PLCH1: variants seen among roughly 807,000 people sequenced by gnomAD.
PLCH1 encodes phospholipase C eta 1.
Under a neutral mutation model 126.7 loss-of-function variants are expected in PLCH1, and 60 were observed. The observed-to-expected ratio is 0.47, with a 90% CI of 0.38 to 0.59. PLCH1 has a LOEUF of 0.59. Among genes scored for constraint, PLCH1 ranks in the 20% least tolerant of loss-of-function variants. PLCH1 has a pLI of 0.00. For synonymous variants in PLCH1, 719 were observed against 734.9 expected (o/e 0.98, Z 0.35); for missense variants, 1,723 against 2,040.0 (o/e 0.84, Z 2.99).
intron 2 of PLCH1, among the ~76,000 whole-genome samples, chr3:155,632,168 T>C (rs373947060): frequency 6.6e-6 from 1 of 152,188 alleles, no homozygotes; most frequent in Admixed American, 6.5e-5. Context: ...ATCATTATTG[T>C]GTCTGAAAAG....
intron 20 of PLCH1, 63 bp downstream of exon 20, chr3:155,488,597 T>C: frequency 1.5e-6 from 2 of 1,316,730 alleles, no homozygotes; most frequent in South Asian, 1.4e-5. Context: ...ACATATCATA[T>C]ATTACGTCTT....
intron 9 of PLCH1, among the ~76,000 whole-genome samples, chr3:155,552,533 G>A (rs1302483659): frequency 6.6e-6 from 1 of 152,174 alleles, no homozygotes; most frequent in Non-Finnish European, 1.5e-5. Flanking sequence ...AGACTAACGG[G>A]GAAGGTTGTT....
intron 1 of PLCH1, among the ~76,000 whole-genome samples, chr3:155,740,081 G>A (rs1478714380): frequency 6.6e-6 from 1 of 152,144 alleles, no homozygotes; most frequent in African/African-American, 2.4e-5. Flanking sequence ...GTGTTCTCAT[G>A]ATACACACAT....
At chr3:155,741,986 T>A (rs1749679006) in intron 1 of PLCH1, among the ~76,000 whole-genome samples, 1 of 152,202 alleles carries the variant, frequency 6.6e-6, no homozygotes, top group Admixed American at 6.5e-5. Flanking sequence ...TGTACAGCCT[T>A]ATCTAAATTA....
chr3:155,716,889 C>T (rs1747559362), intron 1 of PLCH1, among the ~76,000 whole-genome samples: 1 of 152,326 alleles, frequency 6.6e-6, no homozygotes, highest in South Asian at 2.1e-4. Flanking sequence ...TGAACCTAGT[C>T]AAAAGTCCGA....
intron 10 of PLCH1, among the ~76,000 whole-genome samples, chr3:155,546,688 G>A (rs1310693456): frequency 6.6e-6 from 1 of 151,074 alleles, no homozygotes; most frequent in South Asian, 2.1e-4. Flanking sequence ...TACCAAAACA[G>A]AGATATAGAT....
intron 9 of PLCH1, among the ~76,000 whole-genome samples, chr3:155,552,016 AC>A (rs1342896876): frequency 7.9e-5 from 12 of 152,156 alleles, no homozygotes; most frequent in African/African-American, 2.4e-4. Flanking sequence ...GGTTGTAAAG[AC>A]CCATTAGAAT....
intron 2 of PLCH1, among the ~76,000 whole-genome samples, chr3:155,618,479 C>T (rs2054802631): frequency 6.6e-6 from 1 of 152,154 alleles, no homozygotes; most frequent in African/African-American, 2.4e-5. Context: ...TCTGGATAGA[C>T]TGTTAAAGAA....
intron 1 of PLCH1, among the ~76,000 whole-genome samples, chr3:155,722,114 T>G (rs1320705115): frequency 1.7e-4 from 26 of 152,082 alleles, no homozygotes; most frequent in Non-Finnish European, 2.1e-4. Flanking sequence ...GGAAGGCTTT[T>G]GATTTTTCTC....
intron 10 of PLCH1, among the ~76,000 whole-genome samples, chr3:155,535,702 G>T (rs980758255): frequency 1.3e-5 from 2 of 152,172 alleles, no homozygotes; most frequent in Non-Finnish European, 2.9e-5. Context: ...ACCCACCGTG[G>T]TAGCTGAAGA....
rs547672606 is a variant in PLCH1, at chr3:155,598,097, T to C, written c.80-1719A>G. On this transcript the variant is annotated intron_variant, in intron 2 of 22. Coordinates refer to ENST00000460012, the MANE Select transcript of PLCH1 (RefSeq NM_014996.4). ...TATTTGGGAGGTTAAGGCAGGAGAA[T>C]TGCTTGAACCCGGGAGAAGGAGGTT... Among the ~76,000 whole-genome samples the C allele has an allele frequency of 1.8e-4, 27 of 152,080 alleles. No individual in the cohort carries two copies. In the East Asian group the frequency reaches 5.2e-3, roughly 29 times the overall value.
chr3:155,554,033 T>A, intron 9 of PLCH1, 43 bp downstream of exon 9: 1 of 1,602,368 alleles, frequency 6.2e-7, no homozygotes, highest in Non-Finnish European at 8.5e-7. Context: ...CAATGCTCCA[T>A]GCGGGAGGCT....
chr3:155,735,234 T>C (rs1296128082), intron 1 of PLCH1, among the ~76,000 whole-genome samples: 3 of 152,128 alleles, frequency 2.0e-5, no homozygotes, highest in Admixed American at 6.5e-5. Context: ...GTGGGGAAGA[T>C]GCTGGTCAAA....
chr3:155,691,452 A>T (rs761941210), intron 2 of PLCH1, among the ~76,000 whole-genome samples: 15 of 152,198 alleles, frequency 9.9e-5, no homozygotes, highest in Non-Finnish European at 1.9e-4. Context: ...AAAGCCGGAG[A>T]TATTGTGCAA....
chr3:155,454,548 G>T (rs756168045), intron 21 of PLCH1, among the ~76,000 whole-genome samples: 9 of 152,120 alleles, frequency 5.9e-5, no homozygotes, highest in Non-Finnish European at 1.0e-4. Context: ...GCAAAGAAAA[G>T]GATTTAGGAA....
At chr3:155,475,014 A>G (rs1298924467), downstream of PLCH1, among the ~76,000 whole-genome samples, 1 of 147,550 alleles carries the variant, frequency 6.8e-6, no homozygotes, top group East Asian at 2.0e-4. Flanking sequence ...CCAGCATGGC[A>G]CATGTATACA....
At chr3:155,486,261 G>C in intron 21 of PLCH1, 1 of 1,107,256 alleles carries the variant, frequency 9.0e-7, no homozygotes, top group Non-Finnish European at 1.3e-6. Flanking sequence ...CATTGAAGAG[G>C]GTGTCACAAG....
intron 10 of PLCH1, among the ~76,000 whole-genome samples, chr3:155,540,175 T>C (rs540811924): frequency 1.3e-5 from 2 of 152,222 alleles, no homozygotes; most frequent in East Asian, 1.9e-4. Flanking sequence ...TACTGGAATA[T>C]TGGCAAAGCA....
chr3:155,717,362 G>T (rs1747599543), intron 1 of PLCH1, among the ~76,000 whole-genome samples: 1 of 152,340 alleles, frequency 6.6e-6, no homozygotes, highest in Admixed American at 6.5e-5. Context: ...TGGGGACAGT[G>T]TGTGGAAGCT....
Sources: gnomAD v4.1 joint callset for allele counts (sites outside exome capture counted in the v4.1 genomes callset) on GRCh38, gnomAD v4.1.1 for gene constraint, MANE v1.5 for transcripts, NCBI Gene and HGNC (gene_info 2026-07-23, HGNC 2026-07-21) for gene names.